The following ACOT7 variants were observed in gnomAD, a reference collection of about 807,000 sequenced individuals.
ACOT7 encodes the protein acyl-CoA thioesterase 7.
ACOT7 carries 12 observed loss-of-function variants against 40.2 expected under a neutral mutation model. The ratio of observed to expected loss-of-function variants is 0.30; its 90% confidence interval spans 0.19 to 0.48. The LOEUF (loss-of-function observed/expected upper bound fraction) is 0.48, where lower values mean the gene tolerates loss of function less well. Among genes scored for constraint, ACOT7 ranks in the 20% least tolerant of loss-of-function variants. ACOT7 has a pLI of 0.99. For synonymous variants in ACOT7, 228 were observed against 219.5 expected, an observed-to-expected ratio of 1.04 and a Z score of -0.34; for missense variants, 395 against 530.8, an observed-to-expected ratio of 0.74 and a Z score of 2.51.
intron 5 of ACOT7, among the ~76,000 whole-genome samples, chr1:6,319,705 C>A (rs1248882701): frequency 2.0e-5 from 3 of 152,196 alleles, no homozygotes; most frequent in Admixed American, 6.5e-5. Context: ...TCATCCCTGG[C>A]GCTTGCGTTG....
intron 8 of ACOT7, among the ~76,000 whole-genome samples, chr1:6,277,645 C>T (rs990769815): frequency 6.6e-6 from 1 of 152,252 alleles, no homozygotes; most frequent in African/African-American, 2.4e-5. Flanking sequence ...CCTGAATGGT[C>T]CCCACAAGAC....
In ACOT7 at chr1:6,282,385, C is replaced by T. The variant is rs139022870; in HGVS notation, c.830-1099G>A. On this transcript the variant is annotated intron_variant, in intron 7 of 8. Coordinates refer to ENST00000361521, the MANE Select transcript of ACOT7 (RefSeq NM_007274.4). The surrounding 1 kb of genome is among the most constrained non-coding windows in gnomAD (Gnocchi z 4.5). ...GGCTGCAGAAACCCCCGGGGACTTCCGGGGCAAGTGCTGCCCTGCGGTCAG... is the reference window on the plus strand; with the variant it reads ...GGCTGCAGAAACCCCCGGGGACTTCTGGGGCAAGTGCTGCCCTGCGGTCAG... Among the ~76,000 whole-genome samples, 484 of 152,316 alleles carry T rather than the reference C, an allele frequency of 3.2e-3. 1 individual carries two copies. The highest frequency in any genetic ancestry group is 0.011 in the African/African-American group (461 of 41,558).
intron 8 of ACOT7, among the ~76,000 whole-genome samples, chr1:6,270,457 CCTCCGAGCCTCTGGGGCT>C (rs1638998361): frequency 6.6e-6 from 1 of 152,150 alleles, no homozygotes; most frequent in Admixed American, 6.5e-5. Flanking sequence ...CAGGCAGGCT[CCTCCGAGCCTCTGGGGCT>C]CCCCAAGAAT....
chr1:6,347,158 C>G (rs2148452770), intron 2 of ACOT7, among the ~76,000 whole-genome samples: 1 of 152,232 alleles, frequency 6.6e-6, no homozygotes, highest in East Asian at 1.9e-4. Flanking sequence ...CAAAGCCCTT[C>G]TAGGCACTGG....
intron 7 of ACOT7, among the ~76,000 whole-genome samples, chr1:6,293,044 C>A (rs1323507044): frequency 2.6e-5 from 4 of 152,182 alleles, no homozygotes; most frequent in Admixed American, 2.6e-4. Context: ...CACCCGCCAC[C>A]ACGCCTGGCT....
intron 6 of ACOT7, among the ~76,000 whole-genome samples, chr1:6,313,358 T>C (rs987133968): frequency 6.6e-6 from 1 of 152,156 alleles, no homozygotes; most frequent in Non-Finnish European, 1.5e-5. Context: ...AGGGAAAATC[T>C]ACAGTCCCTG....
chr1:6,323,162 G>A (rs948747948), intron 5 of ACOT7, among the ~76,000 whole-genome samples: 5 of 151,824 alleles, frequency 3.3e-5, no homozygotes, highest in Admixed American at 6.6e-5. Flanking sequence ...CAATGAAATC[G>A]GACACTTAGG....
chr1:6,349,710 G>T, intron 2 of ACOT7, 39 bp downstream of exon 2: 1 of 1,579,794 alleles, frequency 6.3e-7, no homozygotes, highest in Non-Finnish European at 8.6e-7. Context: ...ACACTGGTGC[G>T]GCCTCCAGGG....
In ACOT7 at chr1:6,301,063, A is replaced by G. The variant is rs1639962703; in HGVS notation, c.713-6083T>C. On this transcript the variant is annotated intron_variant, in intron 6 of 8. Coordinates refer to ENST00000361521, the MANE Select transcript of ACOT7 (RefSeq NM_007274.4). This position sits in a 1 kb window ranked among gnomAD's most constrained non-coding sequence, Gnocchi z 4.1. ...AGTCCAGAGTGGAATTCTTCCCAAG[A>G]TGATTGCAGGAAGGAGCGTTCAAAG... Among the ~76,000 whole-genome samples the G allele has an allele frequency of 6.6e-6, 1 of 152,224 alleles. No homozygotes were observed. The highest frequency in any genetic ancestry group is 2.4e-5 in the African/African-American group (1 of 41,460).
chr1:6,316,532 G>A (rs1471792550), intron 6 of ACOT7, among the ~76,000 whole-genome samples: 2 of 152,226 alleles, frequency 1.3e-5, no homozygotes, highest in Admixed American at 1.3e-4. Flanking sequence ...CATCAGGGCC[G>A]GGCGCGGTGG....
chr1:6,269,405 G>A (rs1370802951), intron 8 of ACOT7, among the ~76,000 whole-genome samples: 4 of 152,192 alleles, frequency 2.6e-5, no homozygotes, highest in South Asian at 4.1e-4. Context: ...CCCCAGGCGG[G>A]GGCCCTGCCC....
At chr1:6,351,643 CTA>C (rs1456105012) in intron 1 of ACOT7, among the ~76,000 whole-genome samples, 2 of 152,194 alleles carry the variant, frequency 1.3e-5, no homozygotes, top group African/African-American at 4.8e-5. Flanking sequence ...GCTCCTGGTT[CTA>C]GAGCAGTGAG....
Position 6,264,402 on chromosome 1 carries a change from T to C in ACOT7, c.*195A>G, listed in dbSNP as rs529039619. On this transcript the variant is annotated 3_prime_UTR_variant, in exon 9 of 9. Transcript: ENST00000361521. ...GGACAACACTGTGTAGCATTGATAC[T>C]GGAATGATATAAATAAAGCTTTGGT... The C allele has an allele frequency of 1.7e-5, 10 of 602,000 alleles. No individual in the cohort carries two copies. The highest frequency in any genetic ancestry group is 1.1e-4 in the East Asian group (4 of 35,118). 37.3% of individuals were successfully genotyped at this position (602,000 alleles called of 1,614,324 possible).
Position 6,369,404 on chromosome 1 carries a change from T to C in ACOT7, c.144-19538A>G, listed in dbSNP as rs914881252. ...AGCCCCACAAAATGCATTTCTTTTT[T>C]TTTTTTTTTTTTTTTTTGTAGAGAA... is the stretch of plus-strand genomic sequence containing the variant. On this transcript the variant is annotated intron_variant, in intron 1 of 8. Transcript: ENST00000361521. Among the ~76,000 whole-genome samples, 11 of 139,590 alleles carry C rather than the reference T, an allele frequency of 7.9e-5. 1 individual carries two copies. The highest frequency in any genetic ancestry group is 2.2e-4 in the African/African-American group (8 of 36,660). 91.6% of individuals were successfully genotyped at this position (139,590 alleles called of 152,430 possible). A position where few individuals can be genotyped will look rare whatever the true frequency, so the allele number is the denominator to read the frequency against.
At chr1:6,369,074 C>T (rs1557670652) in intron 1 of ACOT7, among the ~76,000 whole-genome samples, 1 of 151,444 alleles carries the variant, frequency 6.6e-6, no homozygotes. Flanking sequence ...CTCTCCACTT[C>T]CTAGGTTAAA....
intron 8 of ACOT7, among the ~76,000 whole-genome samples, chr1:6,276,633 A>G (rs1639199382): frequency 6.6e-6 from 1 of 152,074 alleles, no homozygotes; most frequent in Non-Finnish European, 1.5e-5. Flanking sequence ...CCGCCAGGGC[A>G]CATCTGGAGG....
chr1:6,304,393 C>CT (rs765262733), intron 6 of ACOT7, among the ~76,000 whole-genome samples: 15,394 of 111,054 alleles, frequency 0.14, 1,204 homozygotes, highest in African/African-American at 0.22. Context: ...AAAGTACGTT[C>CT]TTTTTTTTTT....
chr1:6,297,292 C>T (rs1358239196), intron 6 of ACOT7, among the ~76,000 whole-genome samples: 2 of 152,154 alleles, frequency 1.3e-5, no homozygotes, highest in Non-Finnish European at 2.9e-5. Context: ...CCTGCCTCGG[C>T]CTCCCAAAGT....
chr1:6,376,623 A>C (rs965732268), intron 1 of ACOT7, among the ~76,000 whole-genome samples: 3 of 151,288 alleles, frequency 2.0e-5, no homozygotes, highest in African/African-American at 7.3e-5. Context: ...GCTACTTGGG[A>C]GGCTGAGGCA....
Sources: gnomAD v4.1 joint callset for allele counts (sites outside exome capture counted in the v4.1 genomes callset) on GRCh38, gnomAD v4.1.1 for gene constraint, Gnocchi (gnomAD v3.1) non-coding constraint, MANE v1.5 for transcripts, NCBI Gene and HGNC (gene_info 2026-07-23, HGNC 2026-07-21) for gene names.